KIAA1217: variants seen among roughly 807,000 people sequenced by gnomAD.
The protein encoded by KIAA1217 is sickle tail protein homolog.
KIAA1217 carries 88 observed loss-of-function variants against 163.9 expected under a neutral mutation model. The observed-to-expected ratio is 0.54, with a 90% CI of 0.45 to 0.64. The LOEUF is 0.64. Among genes scored for constraint, KIAA1217 ranks in the 30% least tolerant of loss-of-function variants. The pLI, the probability that KIAA1217 is intolerant of heterozygous loss-of-function variation, is 0.00. For synonymous variants in KIAA1217, 903 were observed against 923.1 expected (o/e 0.98, Z 0.39); for missense variants, 2,372 against 2,475.0 (o/e 0.96, Z 0.88).
upstream of KIAA1217, among the ~76,000 whole-genome samples, chr10:24,207,442 T>C (rs2067625065): frequency 2.0e-5 from 3 of 152,186 alleles, no homozygotes; most frequent in African/African-American, 4.8e-5. Context: ...CCCTCCTTCA[T>C]GAACATTTTG....
chr10:24,014,755 A>G (rs1856173), intron 2 of KIAA1217, among the ~76,000 whole-genome samples: 16,636 of 152,126 alleles, frequency 0.11, 1,037 homozygotes, highest in African/African-American at 0.17. Context: ...TGGCCAAGTT[A>G]TATCTTCACA....
chr10:24,339,386 AT>A (rs1045318550), intron 2 of KIAA1217, among the ~76,000 whole-genome samples: 1 of 152,212 alleles, frequency 6.6e-6, no homozygotes, highest in African/African-American at 2.4e-5. Context: ...TATAAAGAAA[AT>A]TATACTTCTG....
At chr10:23,810,920 TAATA>T (rs1158611752) in intron 1 of KIAA1217, among the ~76,000 whole-genome samples, 1 of 119,518 alleles carries the variant, frequency 8.4e-6, no homozygotes, top group Non-Finnish European at 1.6e-5. Flanking sequence ...TATAGTATAA[TAATA>T]TAGTATATAT....
At chr10:23,981,986 A>T (rs1178623444) in intron 1 of KIAA1217, among the ~76,000 whole-genome samples, 1 of 151,926 alleles carries the variant, frequency 6.6e-6, no homozygotes, top group Non-Finnish European at 1.5e-5. Flanking sequence ...AGCGCTGCAG[A>T]GTTGAGAGGT....
Position 24,032,344 on chromosome 10 carries a change from C to T in KIAA1217, c.-171+24970C>T, listed in dbSNP as rs150282875. Among the ~76,000 whole-genome samples the T allele has an allele frequency of 2.9e-3, 446 of 152,248 alleles. 5 individuals carry two copies. The highest frequency in any genetic ancestry group is 0.01 in the African/African-American group (433 of 41,522). On this transcript the variant is annotated intron_variant, in intron 2 of 18. Transcript: ENST00000376462. ...GTGCAATCATGGCCCACTGCAACCT[C>T]GGCCTCCTAGGTGCAAGCATTCTTC...
At chr10:23,951,463 G>A (rs1844333033) in intron 1 of KIAA1217, among the ~76,000 whole-genome samples, 1 of 152,128 alleles carries the variant, frequency 6.6e-6, no homozygotes, top group Non-Finnish European at 1.5e-5. Context: ...AGACCAGCCT[G>A]GGCAACATGG....
chr10:24,165,615 C>A (rs1280633272), intron 2 of KIAA1217, among the ~76,000 whole-genome samples: 3 of 152,112 alleles, frequency 2.0e-5, no homozygotes, highest in Non-Finnish European at 4.4e-5. Context: ...TAGATTTAAG[C>A]TGGATACAAA....
rs548042042 is a variant in KIAA1217 at position 23,739,348 on chromosome 10, T to C, written c.-321+44114T>C. ...ATTTGACCACTATGCAATATGAGCATGTAACAAAATTGCACTTGCACTCTT... is the reference window on the plus strand; with the variant it reads ...ATTTGACCACTATGCAATATGAGCACGTAACAAAATTGCACTTGCACTCTT... On this transcript the variant is annotated intron_variant, in intron 1 of 18. Transcript: ENST00000376462. Among the ~76,000 whole-genome samples the C allele has an allele frequency of 5.3e-5, 8 of 152,328 alleles. No homozygotes were observed. The East Asian group carries it at 1.5e-3, about 29-fold the overall frequency.
chr10:24,401,242 A>T (rs74797100), intron 3 of KIAA1217, among the ~76,000 whole-genome samples: 2,786 of 151,932 alleles, frequency 0.018, 176 homozygotes, highest in East Asian at 0.17. Flanking sequence ...GAGTGAGGGC[A>T]AAAAGAGCCT....
intron 1 of KIAA1217, among the ~76,000 whole-genome samples, chr10:23,934,360 A>G (rs978791077): frequency 6.7e-6 from 1 of 150,350 alleles, no homozygotes; most frequent in East Asian, 2.0e-4. Flanking sequence ...GAGGGGAACA[A>G]CACACACTAG....
chr10:24,175,443 A>ATG (rs137918207), intron 2 of KIAA1217, among the ~76,000 whole-genome samples: 60,269 of 149,842 alleles, frequency 0.4, 12,219 homozygotes, highest in African/African-American at 0.49. Flanking sequence ...GTGTATATAT[A>ATG]TGTGTGTGTG....
At chr10:23,771,241 A>C (rs1588764940) in intron 1 of KIAA1217, among the ~76,000 whole-genome samples, 1 of 152,182 alleles carries the variant, frequency 6.6e-6, no homozygotes, top group East Asian at 1.9e-4. Flanking sequence ...CTCTGCAGTG[A>C]ATATTAGAAC....
chr10:24,455,912 C>T (rs963902854), intron 5 of KIAA1217, among the ~76,000 whole-genome samples: 1 of 152,060 alleles, frequency 6.6e-6, no homozygotes, highest in Non-Finnish European at 1.5e-5. Context: ...TTCTGAGACA[C>T]GAGTCTCCCT....
chr10:24,335,150 C>T (rs2046182355), intron 2 of KIAA1217, among the ~76,000 whole-genome samples: 1 of 152,122 alleles, frequency 6.6e-6, no homozygotes, highest in Non-Finnish European at 1.5e-5. Context: ...AAAAGCCAGC[C>T]AGAGGACCAC....
intron 1 of KIAA1217, among the ~76,000 whole-genome samples, chr10:23,905,278 T>A (rs764209718): frequency 8.6e-5 from 13 of 151,132 alleles, no homozygotes; most frequent in Non-Finnish European, 1.8e-4. Flanking sequence ...CTTGAGAGGG[T>A]ATGAGCAGTG....
At chr10:24,465,264 AC>A (rs1218339211) in intron 5 of KIAA1217, among the ~76,000 whole-genome samples, 1 of 152,186 alleles carries the variant, frequency 6.6e-6, no homozygotes, top group Non-Finnish European at 1.5e-5. Flanking sequence ...ATCTGTTACA[AC>A]CACTTCATCC....
chr10:24,322,847 A>G (rs1022919801), intron 2 of KIAA1217, among the ~76,000 whole-genome samples: 4 of 152,214 alleles, frequency 2.6e-5, no homozygotes, highest in Non-Finnish European at 5.9e-5. Flanking sequence ...ACTACCTGTC[A>G]TCTTGGCAAC....
intron 2 of KIAA1217, among the ~76,000 whole-genome samples, chr10:24,290,350 T>A (rs2078969205): frequency 6.6e-6 from 1 of 152,152 alleles, no homozygotes. Context: ...TCTGAAAACA[T>A]GATTTTAATC....
In KIAA1217 at chr10:23,884,361, A is replaced by G. The variant is rs1365565124; in HGVS notation, c.-320-122864A>G. On this transcript the variant is annotated intron_variant, in intron 1 of 18. Coordinates refer to the KIAA1217 transcript ENST00000376462. ...TTAATTTGCATTTCCCTGATGACAA[A>G]TGATGTAGGTGGCAACTTTTCTTAC... Among the ~76,000 whole-genome samples the G allele has an allele frequency of 2.6e-5, 4 of 151,940 alleles. 1 individual carries two copies. Among genetic ancestry groups the G allele is most frequent in the African/African-American group, 4.8e-5 (2 of 41,420 alleles).
Sources: allele counts gnomAD v4.1 joint callset (sites outside exome capture counted in the v4.1 genomes callset), GRCh38; gene constraint gnomAD v4.1.1; transcripts MANE v1.5; gene names NCBI Gene and HGNC (gene_info 2026-07-23, HGNC 2026-07-21).